The following GNAQ variants were observed in gnomAD, a reference collection of about 807,000 sequenced individuals.
GNAQ encodes the protein G protein subunit alpha q.
GNAQ carries 8 observed loss-of-function variants against 43.9 expected under a neutral mutation model. That is an observed-to-expected ratio of 0.18 (90% CI 0.11 to 0.33). The LOEUF (loss-of-function observed/expected upper bound fraction) is 0.33, where lower values mean the gene tolerates loss of function less well. Ranked by LOEUF, GNAQ falls within the 10% of genes least tolerant of loss-of-function variation. The pLI, the probability that GNAQ is intolerant of heterozygous loss-of-function variation, is 1.00. For missense variants in GNAQ, 158 were observed against 450.8 expected (o/e 0.35, Z 5.88); for synonymous variants, 155 against 170.7 (o/e 0.91, Z 0.71).
intron 5 of GNAQ, among the ~76,000 whole-genome samples, chr9:77,766,427 G>C (rs1018384579): frequency 2.6e-5 from 4 of 152,092 alleles, no homozygotes; most frequent in Admixed American, 1.3e-4. Context: ...CTTTCAGATG[G>C]GGAATATGTA....
intron 2 of GNAQ, among the ~76,000 whole-genome samples, chr9:77,850,605 T>C (rs1827660077): frequency 6.6e-6 from 1 of 152,226 alleles, no homozygotes; most frequent in Non-Finnish European, 1.5e-5. Context: ...AAAGCATTTC[T>C]GATTTGAACC....
intron 4 of GNAQ, among the ~76,000 whole-genome samples, chr9:77,795,111 C>T (rs1304592145): frequency 6.6e-6 from 1 of 152,158 alleles, no homozygotes; most frequent in African/African-American, 2.4e-5. Context: ...CCCCACTCAT[C>T]CTTTATCAGC....
At chr9:77,913,842 G>A (rs534057713) in intron 2 of GNAQ, among the ~76,000 whole-genome samples, 4 of 152,166 alleles carry the variant, frequency 2.6e-5, no homozygotes, top group African/African-American at 7.2e-5. Context: ...TATTGACAAT[G>A]GAAAAACACA....
intron 5 of GNAQ, among the ~76,000 whole-genome samples, chr9:77,767,141 GTT>G (rs1479302567): frequency 6.6e-6 from 1 of 152,118 alleles, no homozygotes; most frequent in Non-Finnish European, 1.5e-5. Context: ...ATGTCAATGA[GTT>G]GGCAAGGGGA....
intron 2 of GNAQ, among the ~76,000 whole-genome samples, chr9:77,861,040 C>T (rs979729514): frequency 6.6e-6 from 1 of 152,164 alleles, no homozygotes; most frequent in Non-Finnish European, 1.5e-5. Context: ...CAAGACTTGG[C>T]AATTTACAAA....
intron 2 of GNAQ, among the ~76,000 whole-genome samples, chr9:77,819,218 G>A (rs1222874506): frequency 1.3e-5 from 2 of 152,114 alleles, no homozygotes; most frequent in African/African-American, 4.8e-5. Context: ...GCTACTCTCA[G>A]GAACTCTGGC....
At chr9:77,775,189 TA>T (rs1208493936) in intron 5 of GNAQ, among the ~76,000 whole-genome samples, 2 of 152,162 alleles carry the variant, frequency 1.3e-5, no homozygotes, top group African/African-American at 4.8e-5. Flanking sequence ...TACAATTGGA[TA>T]ATTTAATTAT....
intron 1 of GNAQ, among the ~76,000 whole-genome samples, chr9:77,972,720 G>A (rs60987550): frequency 1.4e-3 from 217 of 152,106 alleles, no homozygotes; most frequent in African/African-American, 4.9e-3. Context: ...TTGGGAGGCC[G>A]AGGCGGGTGG....
At chr9:77,933,669 T>C (rs1180418927) in intron 1 of GNAQ, among the ~76,000 whole-genome samples, 2 of 150,236 alleles carry the variant, frequency 1.3e-5, no homozygotes, top group African/African-American at 2.4e-5. Flanking sequence ...CATTGATACA[T>C]GCACACTTCT....
At chr9:77,848,376 C>T (rs938731783) in intron 2 of GNAQ, among the ~76,000 whole-genome samples, 2 of 152,198 alleles carry the variant, frequency 1.3e-5, no homozygotes, top group Non-Finnish European at 2.9e-5. Context: ...TTTCACATGT[C>T]GGAATTCAAA....
chr9:77,988,113 G>C (rs577680454), intron 1 of GNAQ, among the ~76,000 whole-genome samples: 1 of 152,328 alleles, frequency 6.6e-6, no homozygotes, highest in Non-Finnish European at 1.5e-5. Context: ...CAGCAATGAG[G>C]ACAGAGCAGA....
chr9:78,016,147 A>G (rs1823835496), intron 1 of GNAQ, among the ~76,000 whole-genome samples: 1 of 152,206 alleles, frequency 6.6e-6, no homozygotes, highest in Non-Finnish European at 1.5e-5. Flanking sequence ...TTAGTAGAAA[A>G]GAGACGTAAA....
At chr9:77,931,523 G>A (rs577236317) in intron 1 of GNAQ, among the ~76,000 whole-genome samples, 5 of 151,806 alleles carry the variant, frequency 3.3e-5, no homozygotes, top group Admixed American at 6.6e-5. Context: ...CCCCGGAGAC[G>A]TAGTATACAG....
intron 2 of GNAQ, among the ~76,000 whole-genome samples, chr9:77,821,724 G>GGGGTGTGGGTGT (rs201504418): frequency 7.0e-6 from 1 of 142,308 alleles, no homozygotes; most frequent in African/African-American, 2.7e-5. Context: ...TCCTAGTATG[G>GGGGTGTGGGTGT]GTGTGTGTGT....
chr9:77,739,239 AGCTTGCTGTCTT>A (rs1317997316), intron 5 of GNAQ, among the ~76,000 whole-genome samples: 3 of 152,196 alleles, frequency 2.0e-5, no homozygotes, highest in Non-Finnish European at 4.4e-5. Context: ...AAAAAATGAT[AGCTTGCTGTCTT>A]GGTTGGAATT....
intron 5 of GNAQ, among the ~76,000 whole-genome samples, chr9:77,735,638 T>A (rs2118241825): frequency 6.6e-6 from 1 of 152,306 alleles, no homozygotes; most frequent in African/African-American, 2.4e-5. Flanking sequence ...GTCAACGCTT[T>A]GAGAATTCAA....
chr9:77,730,951 T>G (rs898703441), intron 5 of GNAQ, among the ~76,000 whole-genome samples: 4 of 152,066 alleles, frequency 2.6e-5, no homozygotes, highest in Admixed American at 6.5e-5. Flanking sequence ...GAGAGTGGTG[T>G]TTTTCTTTTT....
chr9:77,898,054 T>C (rs1233379830), intron 2 of GNAQ, among the ~76,000 whole-genome samples: 1 of 151,848 alleles, frequency 6.6e-6, no homozygotes, highest in African/African-American at 2.4e-5. Flanking sequence ...AATTATCATA[T>C]ACCCTTAGTC....
chr9:77,984,283 C>T (rs1260224933), intron 1 of GNAQ, among the ~76,000 whole-genome samples: 2 of 151,626 alleles, frequency 1.3e-5, no homozygotes, highest in African/African-American at 4.9e-5. Flanking sequence ...GATCCTCCCA[C>T]CTTAGCCTCC....
Sources: allele counts gnomAD v4.1 joint callset (sites outside exome capture counted in the v4.1 genomes callset), GRCh38; gene constraint gnomAD v4.1.1; transcripts MANE v1.5; gene names NCBI Gene and HGNC (gene_info 2026-07-23, HGNC 2026-07-21).